The following LPP variants were observed in gnomAD, a reference collection of about 807,000 sequenced individuals.
The protein encoded by LPP is LIM domain containing preferred translocation partner in lipoma.
LPP carries 38 observed loss-of-function variants against 60.4 expected under a neutral mutation model. The ratio of observed to expected loss-of-function variants is 0.63; its 90% CI spans 0.49 to 0.83. LPP has a LOEUF of 0.83. LPP is among the 40% of genes least tolerant of loss of function. The pLI, the probability that LPP is intolerant of heterozygous loss-of-function variation, is 0.00. For synonymous variants in LPP, 328 were observed against 290.8 expected, an observed-to-expected ratio of 1.13 and a Z score of -1.30; for missense variants, 902 against 783.6, an observed-to-expected ratio of 1.15 and a Z score of -1.80.
chr3:188,371,757 C>G (rs1263078579), intron 3 of LPP, among the ~76,000 whole-genome samples: 12 of 141,210 alleles, frequency 8.5e-5, no homozygotes, highest in African/African-American at 3.0e-4. Flanking sequence ...TGGGTTCAAA[C>G]GATTCTCCTG....
At chr3:188,461,953 C>T (rs1396055297) in intron 4 of LPP, among the ~76,000 whole-genome samples, 1 of 152,074 alleles carries the variant, frequency 6.6e-6, no homozygotes, top group African/African-American at 2.4e-5. Context: ...ATTATTAGAT[C>T]AAATGGTACA....
chr3:188,506,463 T>A (rs1372554267), intron 5 of LPP, among the ~76,000 whole-genome samples: 1 of 152,212 alleles, frequency 6.6e-6, no homozygotes, highest in Non-Finnish European at 1.5e-5. Flanking sequence ...TGTACATTAA[T>A]CTTGCCACCA....
In LPP at chr3:188,876,988, C is replaced by A. The variant is rs1213569531; in HGVS notation, c.*2509C>A. 5.7e-6 allele frequency: 1 copy of A among 176,952 alleles called. No homozygotes were observed. The highest frequency in any genetic ancestry group is 1.2e-5 in the Non-Finnish European group (1 of 82,118). 11.0% of individuals were successfully genotyped at this position (176,952 alleles called of 1,614,324 possible). A position where few individuals can be genotyped will look rare whatever the true frequency, so the allele number is the denominator to read the frequency against. ...TTTACCAAAGGTTTTTAAAGTAAATCTCTTTTTAAGATAGACTTATTCTTT... is the reference window on the plus strand; with the variant it reads ...TTTACCAAAGGTTTTTAAAGTAAATATCTTTTTAAGATAGACTTATTCTTT... On this transcript the variant is annotated 3_prime_UTR_variant, in exon 12 of 12. Transcript: ENST00000617246.
In LPP at chr3:188,179,038, CAGAGAGAG is replaced by C. The variant is rs10616335; in HGVS notation, c.-190+24807_-190+24814del. 457 of 168,640 alleles carry C rather than the reference CAGAGAGAG, an allele frequency of 2.7e-3. 5 individuals are homozygous for C. The highest frequency in any genetic ancestry group is 0.011 in the African/African-American group (234 of 22,214). 10.4% of individuals were successfully genotyped at this position (168,640 alleles called of 1,614,324 possible). On this transcript the variant is annotated intron_variant, in intron 1 of 11. Coordinates refer to ENST00000617246, the MANE Select transcript of LPP (RefSeq NM_001375462.1). ...AGCAAGAGAGAGGGAGGGAGAGAGA[CAGAGAGAG>C]AGAGAGAGAGAGAGAGAGAGTGAGC... is the stretch of plus-strand genomic sequence containing the variant.
chr3:188,820,750 T>G (rs1256794691), intron 9 of LPP, among the ~76,000 whole-genome samples: 2 of 152,202 alleles, frequency 1.3e-5, no homozygotes, highest in South Asian at 4.1e-4. Flanking sequence ...ATCCTTTTTA[T>G]TGTAAATAAA....
rs1403280800 is a variant in LPP at position 188,771,577 on chromosome 3, A to AAGGG, written c.1410+11297_1410+11298insGGAG. 2.8e-4 allele frequency among the ~76,000 whole-genome samples: 11 copies of AAGGG among 39,852 alleles called. No individual in the cohort carries two copies. The South Asian group carries it at 6.4e-3, about 23-fold the overall frequency. 26.1% of individuals were successfully genotyped at this position (39,852 alleles called of 152,430 possible). On this transcript the variant is annotated intron_variant, in intron 9 of 11. Transcript: ENST00000617246. ...AAAAAAAAAAAAAAAGAAAGAAAGA[A>AAGGG]AGAAAGGGAGAAAGAAAGAAAGAAA...
At chr3:188,190,030 G>C (rs552748626) in intron 1 of LPP, among the ~76,000 whole-genome samples, 23 of 151,614 alleles carry the variant, frequency 1.5e-4, no homozygotes, top group African/African-American at 5.1e-4. Flanking sequence ...ACACTGTAAC[G>C]TAGGTGGTAG....
At chr3:188,396,212 T>A (rs1780920088) in intron 3 of LPP, among the ~76,000 whole-genome samples, 1 of 152,206 alleles carries the variant, frequency 6.6e-6, no homozygotes, top group Non-Finnish European at 1.5e-5. Flanking sequence ...AATAGTAGAC[T>A]CATATTCATT....
chr3:188,338,371 G>T (rs1374673486), intron 2 of LPP, among the ~76,000 whole-genome samples: 1 of 152,160 alleles, frequency 6.6e-6, no homozygotes, highest in Non-Finnish European at 1.5e-5. Context: ...TAACATTTCA[G>T]TTGCTTCTGG....
At chr3:188,290,411 T>TAAAATGGG (rs1465162815) in intron 2 of LPP, among the ~76,000 whole-genome samples, 10 of 152,082 alleles carry the variant, frequency 6.6e-5, no homozygotes, top group African/African-American at 2.4e-4. Flanking sequence ...TCTTCATCTA[T>TAAAATGGG]AAAATGGGCT....
intron 8 of LPP, among the ~76,000 whole-genome samples, chr3:188,714,966 G>T (rs1400146373): frequency 6.6e-6 from 1 of 152,134 alleles, no homozygotes; most frequent in Non-Finnish European, 1.5e-5. Context: ...CAGACAGTGA[G>T]TGTTTAGCCC....
intron 7 of LPP, among the ~76,000 whole-genome samples, chr3:188,676,266 A>C (rs955635069): frequency 6.6e-6 from 1 of 152,188 alleles, no homozygotes; most frequent in Non-Finnish European, 1.5e-5. Context: ...AAACAGCTAC[A>C]TTGTATTCAG....
intron 4 of LPP, among the ~76,000 whole-genome samples, chr3:188,446,541 T>G (rs1795274085): frequency 6.6e-6 from 1 of 152,258 alleles, no homozygotes; most frequent in Non-Finnish European, 1.5e-5. Context: ...TTATTTTTCT[T>G]TGTTTTTATT....
chr3:188,344,855 G>A (rs549035977), intron 3 of LPP, among the ~76,000 whole-genome samples: 1 of 152,272 alleles, frequency 6.6e-6, no homozygotes, highest in Admixed American at 6.5e-5. Flanking sequence ...TTTACTCTGT[G>A]ACATTGTTCC....
chr3:188,739,952 A>G (rs1233208165), intron 8 of LPP, among the ~76,000 whole-genome samples: 1 of 152,092 alleles, frequency 6.6e-6, no homozygotes, highest in Non-Finnish European at 1.5e-5. Context: ...ATGACCAATG[A>G]CTGTCATTCA....
In LPP at chr3:188,346,251, C is replaced by CTTTTTT. The variant is rs1050679907; in HGVS notation, c.-10+4553_-10+4558dup. On this transcript the variant is annotated intron_variant, in intron 3 of 11. Transcript: ENST00000617246. ...CAGGGACCTGCCTAAAGTAGCAAAT[C>CTTTTTT]TTTTTTTTTTTTTTTTTTTTTTTTT... Among the ~76,000 whole-genome samples, 22 of 88,344 alleles carry CTTTTTT rather than the reference C, an allele frequency of 2.5e-4. 2 individuals carry two copies. Among genetic ancestry groups the CTTTTTT allele is most frequent in the African/African-American group, 7.3e-4 (14 of 19,092 alleles). The allele number at this position is 88,344 out of a possible 152,430, so 58.0% of individuals were successfully genotyped here. A position where few individuals can be genotyped will look rare whatever the true frequency, so the allele number is the denominator to read the frequency against.
At chr3:188,726,163 A>G (rs955204301) in intron 8 of LPP, among the ~76,000 whole-genome samples, 1 of 152,130 alleles carries the variant, frequency 6.6e-6, no homozygotes, top group Non-Finnish European at 1.5e-5. Flanking sequence ...GAGGTGTTCA[A>G]TGGGACAAGA....
chr3:188,526,075 G>A (rs541742776), intron 6 of LPP, among the ~76,000 whole-genome samples: 1 of 152,148 alleles, frequency 6.6e-6, no homozygotes, highest in Non-Finnish European at 1.5e-5. Context: ...AGTTGCAAAC[G>A]CTAGAGAAGC....
rs139749128 is a variant in LPP, at chr3:188,619,419, C to T, written c.1113+9575C>T. On this transcript the variant is annotated intron_variant, in intron 7 of 11. Coordinates refer to ENST00000617246, the MANE Select transcript of LPP (RefSeq NM_001375462.1). ...CTAGAAGACAACTGAGGCTGGTGGT[C>T]TCTGCAGGGGCAGAAAAATGGGAAC... Among the ~76,000 whole-genome samples, 620 of 152,328 alleles carry T rather than the reference C, an allele frequency of 4.1e-3. 2 individuals carry two copies. The highest frequency in any genetic ancestry group is 0.014 in the African/African-American group (583 of 41,586).
Sources: allele counts gnomAD v4.1 joint callset (sites outside exome capture counted in the v4.1 genomes callset), GRCh38; gene constraint gnomAD v4.1.1; transcripts MANE v1.5; gene names NCBI Gene and HGNC (gene_info 2026-07-23, HGNC 2026-07-21).